PPP1R42: variants seen among roughly 807,000 people sequenced by gnomAD.
The protein encoded by PPP1R42 is protein phosphatase 1 regulatory subunit 42.
In PPP1R42, 34 loss-of-function variants were observed where a neutral mutation model predicts 31.0. The ratio of observed to expected loss-of-function variants is 1.10; its 90% confidence interval spans 0.83 to 1.46. The LOEUF (loss-of-function observed/expected upper bound fraction) is 1.46. Among genes scored for constraint, PPP1R42 ranks in the 40% most tolerant of loss-of-function variants. The pLI, the probability that PPP1R42 is intolerant of heterozygous loss-of-function variation, is 0.00. For synonymous variants in PPP1R42, 103 were observed against 109.8 expected (o/e 0.94, Z 0.39); for missense variants, 268 against 303.0 (o/e 0.88, Z 0.86).
chr8:66,984,204 A>G (rs1374390022), intron 6 of PPP1R42: 1 of 1,559,288 alleles, frequency 6.4e-7, no homozygotes, highest in Non-Finnish European at 8.8e-7. Flanking sequence ...GCTTTCTGAA[A>G]TGCTCATGAG....
intron 5 of PPP1R42, among the ~76,000 whole-genome samples, chr8:66,996,870 G>A (rs1281180298): frequency 6.6e-6 from 1 of 152,106 alleles, no homozygotes; most frequent in African/African-American, 2.4e-5. Flanking sequence ...TGGAATTTTT[G>A]GCTGGGCACG....
chr8:66,985,583 C>A, intron 6 of PPP1R42: 2 of 1,357,246 alleles, frequency 1.5e-6, no homozygotes, highest in Non-Finnish European at 2.1e-6. Flanking sequence ...AGTGCCAGCC[C>A]GGCTTGGATT....
intron 6 of PPP1R42, chr8:66,985,806 G>A: frequency 8.1e-7 from 1 of 1,228,352 alleles, no homozygotes; most frequent in Non-Finnish European, 1.2e-6. Flanking sequence ...TCTGTTTGAT[G>A]TGGAGCTTAG....
chr8:66,994,582 T>C (rs1815284426), intron 5 of PPP1R42, among the ~76,000 whole-genome samples: 1 of 152,182 alleles, frequency 6.6e-6, no homozygotes, highest in Non-Finnish European at 1.5e-5. Flanking sequence ...CCAAAAGATA[T>C]ATACATTCAG....
chr8:67,022,357 G>A (rs1235793751), intron 1 of PPP1R42, among the ~76,000 whole-genome samples: 3 of 151,948 alleles, frequency 2.0e-5, no homozygotes, highest in African/African-American at 7.3e-5. Flanking sequence ...ACTGAGTTCT[G>A]CTTTTCTAAG....
At chr8:66,996,758 T>C (rs1331201100) in intron 5 of PPP1R42, among the ~76,000 whole-genome samples, 1 of 152,214 alleles carries the variant, frequency 6.6e-6, no homozygotes, top group African/African-American at 2.4e-5. Flanking sequence ...TTTGAGTAAA[T>C]TTTTGTGCAT....
At chr8:66,988,747 A>G (rs1046794150) in intron 5 of PPP1R42, among the ~76,000 whole-genome samples, 1 of 152,164 alleles carries the variant, frequency 6.6e-6, no homozygotes, top group Non-Finnish European at 1.5e-5. Flanking sequence ...GGGCCACACA[A>G]CTGTTCTCTG....
intron 6 of PPP1R42, among the ~76,000 whole-genome samples, chr8:66,986,488 G>GGCAGCT (rs568455525): frequency 1.1e-3 from 175 of 152,218 alleles, no homozygotes; most frequent in African/African-American, 3.9e-3. Context: ...CTATCGCCAC[G>GGCAGCT]GCAGCTGCCA....
intron 7 of PPP1R42, among the ~76,000 whole-genome samples, chr8:66,966,977 A>G (rs994634086): frequency 2.0e-5 from 3 of 152,114 alleles, no homozygotes; most frequent in Non-Finnish European, 4.4e-5. Flanking sequence ...TTTTAACTAA[A>G]AAAAGTTTTT....
chr8:67,016,406 A>T (rs886852013), intron 2 of PPP1R42, among the ~76,000 whole-genome samples: 1 of 152,212 alleles, frequency 6.6e-6, no homozygotes, highest in Non-Finnish European at 1.5e-5. Flanking sequence ...GACAACAGAT[A>T]CCAACACAAA....
At chr8:66,992,126 T>C (rs1220063769) in intron 5 of PPP1R42, among the ~76,000 whole-genome samples, 2 of 152,206 alleles carry the variant, frequency 1.3e-5, no homozygotes, top group South Asian at 2.1e-4. Flanking sequence ...TATCGTACCC[T>C]GGTCACCACT....
intron 7 of PPP1R42, among the ~76,000 whole-genome samples, chr8:66,973,269 T>A (rs542741627): frequency 1.3e-5 from 2 of 152,114 alleles, no homozygotes; most frequent in South Asian, 4.2e-4. Flanking sequence ...TAACATGAGA[T>A]CTACCCTCCT....
intron 5 of PPP1R42, among the ~76,000 whole-genome samples, chr8:67,002,972 T>C (rs993129882): frequency 1.3e-5 from 2 of 149,438 alleles, no homozygotes; most frequent in African/African-American, 2.5e-5. Flanking sequence ...CTGGCCAACA[T>C]AGTGAAACCC....
intron 5 of PPP1R42, among the ~76,000 whole-genome samples, chr8:67,000,343 A>T (rs181790590): frequency 9.5e-4 from 145 of 152,140 alleles, no homozygotes; most frequent in African/African-American, 3.4e-3. Context: ...TCTAAGCATT[A>T]CTTTACTGTA....
chr8:66,998,399 C>T (rs1391423640), intron 5 of PPP1R42, among the ~76,000 whole-genome samples: 1 of 152,188 alleles, frequency 6.6e-6, no homozygotes, highest in Non-Finnish European at 1.5e-5. Flanking sequence ...TTGACCTTGC[C>T]ATTAAGCATA....
chr8:67,005,505 C>T (rs1213237813), intron 5 of PPP1R42, among the ~76,000 whole-genome samples: 1 of 152,104 alleles, frequency 6.6e-6, no homozygotes, highest in Non-Finnish European at 1.5e-5. Context: ...CCTTAAACTC[C>T]AGATGCTTAC....
chr8:67,016,127 A>G (rs1329981601), intron 2 of PPP1R42, among the ~76,000 whole-genome samples: 2 of 152,190 alleles, frequency 1.3e-5, no homozygotes, highest in African/African-American at 4.8e-5. Context: ...ATTCGTGGGA[A>G]GAAGGATCAC....
At chr8:66,992,355 G>A (rs540980818) in intron 5 of PPP1R42, among the ~76,000 whole-genome samples, 2 of 151,934 alleles carry the variant, frequency 1.3e-5, no homozygotes, top group South Asian at 2.1e-4. Context: ...TTTTCAAACC[G>A]CTAATCTCAG....
At chr8:67,013,299 AT>A (rs923670309) in intron 3 of PPP1R42, among the ~76,000 whole-genome samples, 12 of 148,278 alleles carry the variant, frequency 8.1e-5, no homozygotes, top group Admixed American at 1.4e-4. Flanking sequence ...CTAAAAGTAC[AT>A]TTTTTTTTTG....
Sources: gnomAD v4.1 joint callset for allele counts (sites outside exome capture counted in the v4.1 genomes callset) on GRCh38, gnomAD v4.1.1 for gene constraint, MANE v1.5 for transcripts, NCBI Gene and HGNC (gene_info 2026-07-23, HGNC 2026-07-21) for gene names.